The following JADE2 variants were observed in gnomAD, a reference collection of about 807,000 sequenced individuals.
JADE2 encodes jade family PHD finger 2.
A neutral mutation model predicts 85.7 loss-of-function variants in JADE2; 13 were observed. The observed-to-expected ratio is 0.15, with a 90% CI of 0.10 to 0.24. The LOEUF (loss-of-function observed/expected upper bound fraction) is 0.24, where lower values mean the gene tolerates loss of function less well. Ranked by LOEUF, JADE2 falls within the 10% of genes least tolerant of loss-of-function variation. JADE2 has a pLI of 1.00. For synonymous variants in JADE2, 440 were observed against 456.1 expected, an observed-to-expected ratio of 0.96 and a Z score of 0.45; for missense variants, 846 against 1,115.9, an observed-to-expected ratio of 0.76 and a Z score of 3.45.
upstream of JADE2, chr5:134,524,459 A>AGGGGCGAGGAGGCGAAGGGT (rs1195568750): frequency 1.3e-5 from 2 of 152,426 alleles, no homozygotes; most frequent in Non-Finnish European, 2.9e-5. Context: ...CCGGAGGAGG[A>AGGGGCGAGGAGGCGAAGGGT]GGGGCGAGGA....
rs546892303 is a variant in JADE2, at chr5:134,570,164, G to A, written c.1435-3481G>A. ...CCTCCACCAGGAGAAATCCCATAGC[G>A]CTGAGCAGGGCAGTCCCTGCCGCAC... is the stretch of plus-strand genomic sequence containing the variant. On this transcript the variant is annotated intron_variant, in intron 9 of 11. Transcript: ENST00000681547. 9.9e-5 allele frequency among the ~76,000 whole-genome samples: 15 copies of A among 152,268 alleles called. No homozygotes were observed. In the East Asian group the frequency reaches 1.4e-3, roughly 14 times the overall value.
intron 1 of JADE2, chr5:134,526,507 A>T: frequency 2.0e-6 from 2 of 984,948 alleles, no homozygotes; most frequent in East Asian, 2.3e-4. Context: ...CCCGAGTTTC[A>T]TTTTGTTGAT....
rs149213278 is a variant in JADE2 at position 134,533,524 on chromosome 5, G to C, written c.1-2334G>C. On this transcript the variant is annotated intron_variant, in intron 1 of 11. Coordinates refer to ENST00000681547, the MANE Select transcript of JADE2 (RefSeq NM_001388185.1). The stretch of plus-strand genomic sequence containing the variant: ...TTAATACTGTGGGAGATGCTGGCTC[G>C]GAAGTACCTTCTTTGCAGGAAATGA... 23 of 985,250 alleles carry C rather than the reference G, an allele frequency of 2.3e-5. No individual in the cohort carries two copies. In the African/African-American group the frequency reaches 3.5e-4, roughly 15 times the overall value. The allele number at this position is 985,250 out of a possible 1,614,324, so 61.0% of individuals were successfully genotyped here. A position where few individuals can be genotyped will look rare whatever the true frequency, so the allele number is the denominator to read the frequency against.
upstream of JADE2, among the ~76,000 whole-genome samples, chr5:134,525,228 G>A (rs1335578363): frequency 6.6e-6 from 1 of 151,820 alleles, no homozygotes; most frequent in African/African-American, 2.4e-5. Flanking sequence ...GGGGCGGGGT[G>A]TGAGCAGAAA....
In JADE2 at chr5:134,566,054, C is replaced by G; in HGVS notation, c.970-62C>G. On this transcript the variant is annotated intron_variant, in intron 8 of 11. Transcript: ENST00000681547. The surrounding 1 kb of genome is among the most constrained non-coding windows in gnomAD (Gnocchi z 6.7). ...CAGTAGAGCCCTGGGGGAAGCCCCT[C>G]TGTCTTCTCCCCTCCCACCAGGCTC... The G allele has an allele frequency of 1.4e-6, 2 of 1,408,072 alleles. No individual in the cohort carries two copies. Among genetic ancestry groups the G allele is most frequent in the Non-Finnish European group, 2.0e-6 (2 of 1,012,492 alleles). The allele number at this position is 1,408,072 out of a possible 1,614,324, so 87.2% of individuals were successfully genotyped here.
At chr5:134,569,451 C>T (rs999459427) in intron 9 of JADE2, among the ~76,000 whole-genome samples, 1 of 152,214 alleles carries the variant, frequency 6.6e-6, no homozygotes, top group African/African-American at 2.4e-5. Flanking sequence ...TCGGCCCCAG[C>T]GGACGCTCGG....
At position 134,578,908 on chromosome 5, in the gene JADE2, T is replaced by C. The variant is rs768136283; in HGVS notation, c.2096T>C (p.Leu699Ser). The change falls in exon 12 of 12, where the codon TTG becomes TCG. Residue 699 changes from leucine (L) to serine (S), a missense_variant. Coordinates refer to ENST00000681547, the MANE Select transcript of JADE2 (RefSeq NM_001388185.1). The surrounding 1 kb of genome is among the most constrained non-coding windows in gnomAD (Gnocchi z 4.4). ...RKPPRRTSSH[L>S]PSSPAAGDCP... ...CCACCACGTCGGACATCTTCTCACT[T>C]GCCGTCCAGCCCTGCAGCCGGGGAC... is the stretch of plus-strand genomic sequence containing the variant. The C allele has an allele frequency of 6.2e-7, 1 of 1,613,652 alleles. No homozygotes were observed. Among genetic ancestry groups the C allele is most frequent in the East Asian group, 2.2e-5 (1 of 44,886 alleles).
In JADE2 at chr5:134,560,536, C is replaced by T. The variant is rs75664423; in HGVS notation, c.473-210C>T. Among the ~76,000 whole-genome samples the T allele has an allele frequency of 8.6e-3, 1,316 of 152,324 alleles. 11 individuals are homozygous for T. Among genetic ancestry groups the T allele is most frequent in the Middle Eastern group, 0.078 (23 of 294 alleles). The stretch of plus-strand genomic sequence containing the variant: ...GGCAGGCTGTCTAAAGTCAGAACTC[C>T]AGGACAGGTCAGGGGCCTTTGAGAT... On this transcript the variant is annotated intron_variant, in intron 5 of 11. Transcript: ENST00000681547.
At chr5:134,551,239 T>C (rs1762574379) in intron 3 of JADE2, among the ~76,000 whole-genome samples, 3 of 152,124 alleles carry the variant, frequency 2.0e-5, no homozygotes, top group Admixed American at 2.0e-4. Context: ...TTATTTTGTT[T>C]TGATCTTTTG....
chr5:134,553,020 G>T lies in JADE2; in HGVS notation c.311+811G>T, dbSNP rs1246558740. 2.5e-5 allele frequency among the ~76,000 whole-genome samples: 3 copies of T among 119,292 alleles called. No individual in the cohort carries two copies. The South Asian group carries it at 8.9e-4, about 36-fold the overall frequency. The allele number at this position is 119,292 out of a possible 152,430, so 78.3% of individuals were successfully genotyped here. On this transcript the variant is annotated intron_variant, in intron 4 of 11. Transcript: ENST00000681547. ...TTTTTTTTTTTTTTTTTCTGACAAG[G>T]TCTCACTCTGTTACCCAGGCTGGAG...
rs189110644 is a variant in JADE2, at chr5:134,568,260, A to G, written c.1434+1680A>G. Among the ~76,000 whole-genome samples the G allele has an allele frequency of 3.1e-3, 475 of 152,312 alleles. 13 individuals are homozygous for G. Among genetic ancestry groups the G allele is most frequent in the Non-Finnish European group, 7.8e-4 (53 of 68,016 alleles). On this transcript the variant is annotated intron_variant, in intron 9 of 11. Transcript: ENST00000681547. ...GATGAGGAAACTGGGGCTCGGAGAG[A>G]CGAATAACAGGAAGTCTTAGAGGAA...
Position 134,573,298 on chromosome 5 carries a change from C to T in JADE2, c.1435-347C>T, listed in dbSNP as rs148953114. Among the ~76,000 whole-genome samples the T allele has an allele frequency of 4.2e-4, 64 of 152,274 alleles. 1 individual carries two copies. In the East Asian group the frequency reaches 0.012, roughly 28 times the overall value. On this transcript the variant is annotated intron_variant, in intron 9 of 11. Transcript: ENST00000681547. The stretch of plus-strand genomic sequence containing the variant: ...AGGACAGCAACCATGTTGGCAGGGC[C>T]TTGGGAGGCAGCCTGGCTGACCTTA...
intron 3 of JADE2, among the ~76,000 whole-genome samples, chr5:134,539,371 G>A (rs775372987): frequency 9.3e-5 from 14 of 150,792 alleles, no homozygotes; most frequent in African/African-American, 2.2e-4. Flanking sequence ...CCTAATTTTT[G>A]TATTTTTAGT....
intron 3 of JADE2, among the ~76,000 whole-genome samples, chr5:134,546,361 A>G (rs996434729): frequency 1.6e-4 from 24 of 152,114 alleles, no homozygotes; most frequent in Admixed American, 1.5e-3. Flanking sequence ...TTTCTTGAGT[A>G]CCTGCTGTGT....
At chr5:134,526,809 G>A in intron 1 of JADE2, 1 of 960,786 alleles carries the variant, frequency 1.0e-6, no homozygotes, top group Non-Finnish European at 1.2e-6. Context: ...GACTGGGGTC[G>A]GGGGCAGCCT....
In JADE2 at chr5:134,566,927, T is replaced by C. The variant is rs950122598; in HGVS notation, c.1434+347T>C. ...AGGACCTAGGCTTCTGGCACTTGCT[T>C]GCCTCTGTGGGCCCCGCCTGGTCCT... is the stretch of plus-strand genomic sequence containing the variant. On this transcript the variant is annotated intron_variant, in intron 9 of 11. Coordinates refer to ENST00000681547, the MANE Select transcript of JADE2 (RefSeq NM_001388185.1). The surrounding 1 kb of genome is among the most constrained non-coding windows in gnomAD (Gnocchi z 6.7). Among the ~76,000 whole-genome samples, 2 of 152,204 alleles carry C rather than the reference T, an allele frequency of 1.3e-5. No individual in the cohort carries two copies. Among genetic ancestry groups the C allele is most frequent in the Admixed American group, 1.3e-4 (2 of 15,272 alleles).
At chr5:134,561,056 C>A in intron 6 of JADE2, 99 bp downstream of exon 6, 2 of 922,436 alleles carry the variant, frequency 2.2e-6, no homozygotes, top group Non-Finnish European at 3.4e-6. Flanking sequence ...TGGACAGAAG[C>A]CCTTAAGAAG....
chr5:134,548,916 G>A (rs1383030735), intron 3 of JADE2, among the ~76,000 whole-genome samples: 1 of 152,222 alleles, frequency 6.6e-6, no homozygotes, highest in African/African-American at 2.4e-5. Flanking sequence ...GTATATCCAT[G>A]AGGTATCTCA....
At chr5:134,531,858 T>A (rs1038398115) in intron 1 of JADE2, among the ~76,000 whole-genome samples, 32 of 142,930 alleles carry the variant, frequency 2.2e-4, no homozygotes, top group Admixed American at 7.5e-4. Context: ...GTGCTGGGAA[T>A]ATAAGGATGA....
Sources: gnomAD v4.1 joint callset for allele counts (sites outside exome capture counted in the v4.1 genomes callset) on GRCh38, gnomAD v4.1.1 for gene constraint, Gnocchi (gnomAD v3.1) non-coding constraint, MANE v1.5 for transcripts, NCBI Gene and HGNC (gene_info 2026-07-23, HGNC 2026-07-21) for gene names.